WWP2: variants seen among roughly 807,000 people sequenced by gnomAD.
WWP2 encodes the protein NEDD4-like E3 ubiquitin-protein ligase WWP2.
WWP2 carries 57 observed loss-of-function variants against 121.0 expected under a neutral mutation model. The observed-to-expected ratio is 0.47, with a 90% CI of 0.38 to 0.59. The LOEUF is 0.59. Among genes scored for constraint, WWP2 ranks in the 20% least tolerant of loss-of-function variants. The pLI is 0.00. For missense variants in WWP2, 962 were observed against 1,158.9 expected (o/e 0.83, Z 2.47); for synonymous variants, 449 against 441.3 (o/e 1.02, Z -0.22).
intron 12 of WWP2, among the ~76,000 whole-genome samples, chr16:69,929,902 A>T (rs2058688413): frequency 6.6e-6 from 1 of 152,220 alleles, no homozygotes; most frequent in South Asian, 2.1e-4. Context: ...GTGGCTGCTC[A>T]GTCCAATGCC....
chr16:69,896,036 T>G (rs2151946769), intron 8 of WWP2, among the ~76,000 whole-genome samples: 1 of 152,366 alleles, frequency 6.6e-6, no homozygotes, highest in African/African-American at 2.4e-5. Context: ...CCAAAGATTC[T>G]ACTGTTGTCG....
chr16:69,862,848 C>T (rs549717492), intron 6 of WWP2, among the ~76,000 whole-genome samples: 24 of 151,472 alleles, frequency 1.6e-4, no homozygotes, highest in Non-Finnish European at 2.9e-4. Flanking sequence ...ACCTCAGCCT[C>T]CCGCATAGCT....
At chr16:69,768,260 C>T (rs893417899) in intron 1 of WWP2, among the ~76,000 whole-genome samples, 3 of 152,020 alleles carry the variant, frequency 2.0e-5, no homozygotes, top group Admixed American at 1.3e-4. Context: ...TTCACCCCAC[C>T]GCAGTTTATA....
At chr16:69,812,474 C>T (rs1056836403) in intron 4 of WWP2, among the ~76,000 whole-genome samples, 1 of 140,426 alleles carries the variant, frequency 7.1e-6, no homozygotes, top group African/African-American at 3.0e-5. Flanking sequence ...CCCAACCCCC[C>T]CCCTTTTTTT....
intron 1 of WWP2, among the ~76,000 whole-genome samples, chr16:69,781,459 A>T (rs1405231986): frequency 6.6e-6 from 1 of 151,860 alleles, no homozygotes; most frequent in Non-Finnish European, 1.5e-5. Flanking sequence ...GATCCTCCCA[A>T]CTCTGTGGTC....
intron 8 of WWP2, 107 bp from the exon 9 acceptor site, chr16:69,908,654 G>C (rs113656379): frequency 0.011 from 17,798 of 1,550,724 alleles, 143 homozygotes; most frequent in Non-Finnish European, 0.014. Context: ...TGTCATCTTT[G>C]ATGCTTCCTG....
intron 4 of WWP2, among the ~76,000 whole-genome samples, chr16:69,817,915 C>G (rs533315722): frequency 6.6e-6 from 1 of 151,900 alleles, no homozygotes; most frequent in East Asian, 1.9e-4. Flanking sequence ...GTAAAGATAC[C>G]TTTATGCTCC....
chr16:69,872,225 T>C (rs2057654302), intron 7 of WWP2, among the ~76,000 whole-genome samples: 1 of 152,140 alleles, frequency 6.6e-6, no homozygotes, highest in Non-Finnish European at 1.5e-5. Context: ...AAATGTCTTT[T>C]TTTTTTTTTG....
chr16:69,834,954 C>T (rs905974116), intron 4 of WWP2, among the ~76,000 whole-genome samples: 3 of 152,010 alleles, frequency 2.0e-5, no homozygotes, highest in Non-Finnish European at 4.4e-5. Context: ...AGATTTTTGC[C>T]CATCTTGTTC....
rs147832593 is a variant in WWP2 at position 69,851,940 on chromosome 16, G to A, written c.575+9820G>A. ...GGAGTTTGCAGTGAGCTGAGATCAC[G>A]CCACTGCACTCCAGCCTGGCGACAG... On this transcript the variant is annotated intron_variant, in intron 6 of 23. Transcript: ENST00000359154. Among the ~76,000 whole-genome samples the A allele has an allele frequency of 8.6e-3, 1,309 of 152,116 alleles. 21 individuals carry two copies. The highest frequency in any genetic ancestry group is 0.029 in the African/African-American group (1,206 of 41,466).
At chr16:69,778,196 T>A (rs866355911) in intron 1 of WWP2, among the ~76,000 whole-genome samples, 485 of 144,682 alleles carry the variant, frequency 3.4e-3, no homozygotes, top group Non-Finnish European at 5.1e-3. Context: ...ATATATATTT[T>A]TTTTTTTTTG....
chr16:69,838,000 A>C (rs1158586169), intron 4 of WWP2, among the ~76,000 whole-genome samples: 1 of 152,076 alleles, frequency 6.6e-6, no homozygotes, highest in African/African-American at 2.4e-5. Flanking sequence ...AGGTGGGAGG[A>C]TTGCTTGAGG....
At chr16:69,821,866 T>C (rs908148808) in intron 4 of WWP2, among the ~76,000 whole-genome samples, 1 of 151,812 alleles carries the variant, frequency 6.6e-6, no homozygotes, top group Non-Finnish European at 1.5e-5. Flanking sequence ...CTATTTTTCT[T>C]TGTTTTGTTT....
At chr16:69,843,298 C>T (rs990553843) in intron 6 of WWP2, among the ~76,000 whole-genome samples, 9 of 151,854 alleles carry the variant, frequency 5.9e-5, no homozygotes, top group African/African-American at 1.5e-4. Context: ...TTACAAATGA[C>T]GTAATGTTAT....
intron 4 of WWP2, among the ~76,000 whole-genome samples, chr16:69,833,074 G>T (rs113272582): frequency 1.3e-5 from 2 of 151,752 alleles, no homozygotes; most frequent in African/African-American, 4.8e-5. Context: ...GCCCAGGCTG[G>T]TCTCAAACTC....
At chr16:69,880,854 G>T (rs2057815227) in intron 7 of WWP2, among the ~76,000 whole-genome samples, 1 of 152,184 alleles carries the variant, frequency 6.6e-6, no homozygotes, top group South Asian at 2.1e-4. Context: ...ACGTGCCTGA[G>T]TGCAGGGCCG....
intron 7 of WWP2, among the ~76,000 whole-genome samples, chr16:69,881,988 C>T (rs1481073568): frequency 2.0e-5 from 3 of 152,018 alleles, no homozygotes; most frequent in African/African-American, 7.3e-5. Context: ...CCACTACGCC[C>T]GGCCTAATTT....
At chr16:69,783,076 TCTCAGCTCACTCCAAC>T (rs2055700533) in intron 1 of WWP2, 1 of 149,854 alleles carries the variant, frequency 6.7e-6, no homozygotes, top group African/African-American at 2.5e-5. Context: ...AGCGGCGTGA[TCTCAGCTCACTCCAAC>T]CTCTGCTTCC....
At position 69,902,113 on chromosome 16, in the gene WWP2, C is replaced by T. The variant is rs549330415; in HGVS notation, c.915-6648C>T. 2.6e-5 allele frequency among the ~76,000 whole-genome samples: 4 copies of T among 152,306 alleles called. No homozygotes were observed. In the South Asian group the frequency reaches 8.3e-4, roughly 32 times the overall value. ...ATGGTGATCAGAATGGTTGAACACA[C>T]ACTGTAACAACGGGTAATTGAGCAT... On this transcript the variant is annotated intron_variant, in intron 8 of 23. Coordinates refer to ENST00000359154, the MANE Select transcript of WWP2 (RefSeq NM_001270454.2).
Sources: gnomAD v4.1 joint callset for allele counts (sites outside exome capture counted in the v4.1 genomes callset) on GRCh38, gnomAD v4.1.1 for gene constraint, MANE v1.5 for transcripts, NCBI Gene and HGNC (gene_info 2026-07-23, HGNC 2026-07-21) for gene names.